The following NEBL variants were observed in gnomAD, a reference collection of about 807,000 sequenced individuals.
NEBL encodes the protein LIM and SH3 protein 2.
In NEBL, 122 loss-of-function variants were observed where a neutral mutation model predicts 140.2. The observed-to-expected ratio is 0.87, with a 90% CI of 0.75 to 1.01. The LOEUF is 1.01. Ranked by LOEUF, NEBL falls within the 50% of genes least tolerant of loss-of-function variation. The probability of loss-of-function intolerance (pLI) is 0.00; values close to 1 mark genes in which losing one functional copy is unlikely to be tolerated. For missense variants in NEBL, 1,365 were observed against 1,231.3 expected (o/e 1.11, Z -1.62); for synonymous variants, 436 against 398.9 (o/e 1.09, Z -1.11).
intron 4 of NEBL, among the ~76,000 whole-genome samples, chr10:20,912,356 G>A (rs1848364065): frequency 6.6e-6 from 1 of 152,208 alleles, no homozygotes; most frequent in Non-Finnish European, 1.5e-5. Flanking sequence ...GGAGGCCGAA[G>A]TGGGAGGATC....
intron 3 of NEBL, among the ~76,000 whole-genome samples, chr10:20,982,259 C>T (rs1391215097): frequency 1.3e-5 from 2 of 152,196 alleles, no homozygotes; most frequent in African/African-American, 4.8e-5. Context: ...TTTGACAGAT[C>T]CTCAGATGGG....
intron 18 of NEBL, among the ~76,000 whole-genome samples, chr10:20,824,751 G>T (rs976811210): frequency 1.3e-5 from 2 of 152,166 alleles, no homozygotes; most frequent in African/African-American, 4.8e-5. Flanking sequence ...CCTCAGGTAA[G>T]AAGCTTAACA....
At chr10:20,944,394 C>T (rs976850616) in intron 4 of NEBL, among the ~76,000 whole-genome samples, 17 of 152,098 alleles carry the variant, frequency 1.1e-4, no homozygotes, top group Admixed American at 3.9e-4. Flanking sequence ...GACCAAGACC[C>T]TGTCTCATAA....
intron 2 of NEBL, among the ~76,000 whole-genome samples, chr10:21,117,490 T>C (rs1838337986): frequency 2.0e-5 from 3 of 152,092 alleles, no homozygotes; most frequent in Admixed American, 2.0e-4. Flanking sequence ...TGGGCTCTGT[T>C]ATATGTCTAG....
chr10:21,240,088 C>T (rs11012609), intron 3 of NEBL, among the ~76,000 whole-genome samples: 44,239 of 151,758 alleles, frequency 0.29, 7,700 homozygotes, highest in African/African-American at 0.49. Flanking sequence ...AGAAGCAAAA[C>T]AGAATTTTGT....
At chr10:21,223,057 C>T (rs1450225130) in intron 3 of NEBL, among the ~76,000 whole-genome samples, 1 of 152,238 alleles carries the variant, frequency 6.6e-6, no homozygotes, top group Non-Finnish European at 1.5e-5. Flanking sequence ...GCCATCGCGC[C>T]TGGCTCTTTT....
In NEBL at chr10:20,783,631, T is replaced by C. The variant is rs1385542438; in HGVS notation, c.*2116A>G. ...CTGTCCTATATTTAGTCTGAAAATT[T>C]AATCAACAACTACTCTTTCTTATAA... is the stretch of plus-strand genomic sequence containing the variant. On this transcript the variant is annotated 3_prime_UTR_variant, in exon 28 of 28. Coordinates refer to ENST00000377122, the MANE Select transcript of NEBL (RefSeq NM_006393.3). 1 of 152,604 alleles carries C rather than the reference T, an allele frequency of 6.6e-6. No homozygotes were observed. The highest frequency in any genetic ancestry group is 2.4e-5 in the African/African-American group (1 of 41,452). The allele number at this position is 152,604 out of a possible 1,614,324, so 9.5% of individuals were successfully genotyped here.
chr10:20,895,616 C>A (rs1010403357), intron 2 of NEBL, among the ~76,000 whole-genome samples: 5 of 152,272 alleles, frequency 3.3e-5, no homozygotes, highest in African/African-American at 7.2e-5. Context: ...ATTATTACTG[C>A]AATTTACAGA....
At chr10:21,094,127 T>C (rs1279577922) in intron 2 of NEBL, among the ~76,000 whole-genome samples, 1 of 151,852 alleles carries the variant, frequency 6.6e-6, no homozygotes, top group Non-Finnish European at 1.5e-5. Context: ...GAGGCTGAAG[T>C]GGGAGGATCA....
intron 2 of NEBL, among the ~76,000 whole-genome samples, chr10:21,035,904 T>G (rs778140189): frequency 5.1e-4 from 77 of 152,286 alleles, no homozygotes; most frequent in Non-Finnish European, 7.8e-4. Context: ...AGCTTAGGCC[T>G]GTAATCCCAG....
intron 2 of NEBL, among the ~76,000 whole-genome samples, chr10:20,893,050 C>T (rs1847157038): frequency 6.6e-6 from 1 of 152,172 alleles, no homozygotes; most frequent in African/African-American, 2.4e-5. Flanking sequence ...CGTTCATTTG[C>T]CTGGAAAATA....
chr10:21,000,587 A>G (rs1187392142), intron 3 of NEBL, among the ~76,000 whole-genome samples: 1 of 152,190 alleles, frequency 6.6e-6, no homozygotes, highest in Non-Finnish European at 1.5e-5. Flanking sequence ...GGAGCAAAAC[A>G]TTTGTAGAAA....
intron 2 of NEBL, among the ~76,000 whole-genome samples, chr10:21,126,674 T>G (rs1838850501): frequency 6.6e-6 from 1 of 151,984 alleles, no homozygotes; most frequent in Non-Finnish European, 1.5e-5. Flanking sequence ...ACAAGCCAAT[T>G]AGAAGAAGCC....
chr10:21,014,476 T>C (rs1197275619), intron 3 of NEBL, among the ~76,000 whole-genome samples: 4 of 152,224 alleles, frequency 2.6e-5, no homozygotes, highest in African/African-American at 9.6e-5. Context: ...TTGAAACTTT[T>C]GGACAATGCT....
chr10:20,794,735 T>A (rs1836340277), intron 26 of NEBL, among the ~76,000 whole-genome samples: 1 of 152,218 alleles, frequency 6.6e-6, no homozygotes, highest in African/African-American at 2.4e-5. Flanking sequence ...AAAAGTTTAA[T>A]AATATAAGTA....
chr10:21,262,353 T>C (rs1477568741), intron 1 of NEBL, among the ~76,000 whole-genome samples: 1 of 152,146 alleles, frequency 6.6e-6, no homozygotes, highest in Non-Finnish European at 1.5e-5. Context: ...TTGCCCCAGA[T>C]CACAGGATTT....
intron 3 of NEBL, among the ~76,000 whole-genome samples, chr10:20,985,549 A>C (rs1837222121): frequency 6.6e-6 from 1 of 152,290 alleles, no homozygotes; most frequent in Middle Eastern, 3.4e-3. Context: ...TGAAATCTCA[A>C]TCTAAGCTGC....
chr10:20,957,503 T>G (rs1172471591), intron 4 of NEBL, among the ~76,000 whole-genome samples: 1 of 152,036 alleles, frequency 6.6e-6, no homozygotes, highest in Non-Finnish European at 1.5e-5. Context: ...ATAATTAAAA[T>G]TGTGAACATT....
intron 1 of NEBL, among the ~76,000 whole-genome samples, chr10:21,264,697 A>T (rs375134921): frequency 6.7e-4 from 13 of 19,368 alleles, no homozygotes; most frequent in African/African-American, 2.8e-3. Context: ...GTTGCTATTT[A>T]AAAAAAAAAA....
Sources: gnomAD v4.1 joint callset for allele counts (sites outside exome capture counted in the v4.1 genomes callset) on GRCh38, gnomAD v4.1.1 for gene constraint, MANE v1.5 for transcripts, NCBI Gene and HGNC (gene_info 2026-07-23, HGNC 2026-07-21) for gene names.